Variants in NUMB observed in about 807,000 individuals in gnomAD.
NUMB encodes NUMB endocytic adaptor protein, also known as protein numb homolog.
Under a neutral mutation model 59.7 loss-of-function variants are expected in NUMB, and 29 were observed. The ratio of observed to expected loss-of-function variants is 0.49; its 90% confidence interval spans 0.36 to 0.66. The LOEUF is 0.66. NUMB is among the 30% of genes least tolerant of loss of function. NUMB has a pLI of 0.00. For synonymous variants in NUMB, 288 were observed against 288.2 expected (o/e 1.00, Z 0.01); for missense variants, 723 against 822.0 (o/e 0.88, Z 1.47).
At chr14:73,307,257 C>T (rs940678468) in intron 6 of NUMB, among the ~76,000 whole-genome samples, 5 of 151,166 alleles carry the variant, frequency 3.3e-5, no homozygotes, top group East Asian at 1.9e-4. Flanking sequence ...TGCAGTGAGC[C>T]GAGATTGCGC....
In NUMB at chr14:73,436,751, C is replaced by T. The variant is rs190085343; in HGVS notation, c.-233+21742G>A. Among the ~76,000 whole-genome samples, 1,039 of 151,772 alleles carry T rather than the reference C, an allele frequency of 6.8e-3. 5 individuals are homozygous for T. Among genetic ancestry groups the T allele is most frequent in the South Asian group, 0.03 (144 of 4,810 alleles). ...ATCCCAGCACTTTCGGAGGCTGAGG[C>T]GGGCGGATCACGAGGTCAAGAGATC... On this transcript the variant is annotated intron_variant, in intron 1 of 12. Coordinates refer to ENST00000555238, the MANE Select transcript of NUMB (RefSeq NM_001005743.2).
Position 73,445,354 on chromosome 14 carries a change from C to CAA in NUMB, c.-233+13137_-233+13138dup, listed in dbSNP as rs752154048. On this transcript the variant is annotated intron_variant, in intron 1 of 12. Coordinates refer to ENST00000555238, the MANE Select transcript of NUMB (RefSeq NM_001005743.2). The stretch of plus-strand genomic sequence containing the variant: ...TGAGTGACAAAGTGAGACCCTGTCT[C>CAA]AAAAAAAAAAAAAAAAAAAAAAAAA... Among the ~76,000 whole-genome samples the CAA allele has an allele frequency of 2.6e-3, 149 of 57,564 alleles. 23 individuals are homozygous for CAA. Among genetic ancestry groups the CAA allele is most frequent in the East Asian group, 0.016 (13 of 828 alleles). The allele number at this position is 57,564 out of a possible 152,430, so 37.8% of individuals were successfully genotyped here.
At chr14:73,395,429 C>G (rs1421080333) in intron 2 of NUMB, among the ~76,000 whole-genome samples, 2 of 151,960 alleles carry the variant, frequency 1.3e-5, no homozygotes, top group Admixed American at 6.6e-5. Context: ...TTGAGACCAG[C>G]CTGGGCAACA....
chr14:73,454,020 C>A (rs1884175620), intron 1 of NUMB, among the ~76,000 whole-genome samples: 1 of 151,694 alleles, frequency 6.6e-6, no homozygotes, highest in South Asian at 2.1e-4. Flanking sequence ...TTATTTCTCC[C>A]CAGCCCTATC....
intron 3 of NUMB, among the ~76,000 whole-genome samples, chr14:73,359,706 T>C (rs1444575971): frequency 2.0e-5 from 3 of 152,028 alleles, no homozygotes; most frequent in African/African-American, 7.2e-5. Flanking sequence ...GTGGAGGCAA[T>C]GGGGTAGGAG....
At position 73,383,998 on chromosome 14, in the gene NUMB, C is replaced by A. The variant is rs1011897557; in HGVS notation, c.-100-17017G>T. On this transcript the variant is annotated intron_variant, in intron 2 of 12. Coordinates refer to ENST00000555238, the MANE Select transcript of NUMB (RefSeq NM_001005743.2). ...TGCCACTGCACTCCAGCCTGGGCGA[C>A]AGAGTGAGACTCTGTCTCAAAAAAA... is the stretch of plus-strand genomic sequence containing the variant. Among the ~76,000 whole-genome samples the A allele has an allele frequency of 3.3e-5, 5 of 152,012 alleles. No individual in the cohort carries two copies. In the South Asian group the frequency reaches 1.0e-3, roughly 32 times the overall value.
intron 6 of NUMB, among the ~76,000 whole-genome samples, chr14:73,309,466 C>T (rs1467558261): frequency 6.6e-6 from 1 of 152,026 alleles, no homozygotes; most frequent in Non-Finnish European, 1.5e-5. Context: ...CAAACTAACA[C>T]AGGAACAGAA....
intron 1 of NUMB, among the ~76,000 whole-genome samples, chr14:73,414,288 T>C (rs1897025488): frequency 6.6e-6 from 1 of 152,174 alleles, no homozygotes. Context: ...TATTACAGCC[T>C]TAAGTTTTCA....
rs1888231402 is a variant in NUMB at position 73,277,255 on chromosome 14, C to CT, written c.1278dup (p.Gly427ArgfsTer8). The CT allele has an allele frequency of 6.2e-7, 1 of 1,606,358 alleles. No individual in the cohort carries two copies. Among genetic ancestry groups the CT allele is most frequent in the African/African-American group, 1.3e-5 (1 of 74,762 alleles). ...CGTCTATGACCGGCCTGGAAGAGAC[C>CT]TGGAGAGGCAGCACCAGAAGATTGA... On this transcript the variant is annotated frameshift_variant, in exon 13 of 13. Transcript: ENST00000555238. LOFTEE classifies it high-confidence loss of function.
rs1170959840 is a variant in NUMB at position 73,352,477 on chromosome 14, CATATATATATATATATATATATAT to C, written c.126+3125_126+3148del. ...ACACACATACACACACACACACACA[CATATATATATATATATATATATAT>C]ATATATATATATATATATATATATA... On this transcript the variant is annotated intron_variant, in intron 4 of 12. Transcript: ENST00000555238. Among the ~76,000 whole-genome samples, 20 of 12,692 alleles carry C rather than the reference CATATATATATATATATATATATAT, an allele frequency of 1.6e-3. 1 individual carries two copies. Among genetic ancestry groups the C allele is most frequent in the African/African-American group, 2.9e-3 (15 of 5,180 alleles). 8.3% of individuals were successfully genotyped at this position (12,692 alleles called of 152,430 possible). A position where few individuals can be genotyped will look rare whatever the true frequency, so the allele number is the denominator to read the frequency against.
At chr14:73,313,817 T>C (rs1890923689) in intron 6 of NUMB, among the ~76,000 whole-genome samples, 1 of 148,440 alleles carries the variant, frequency 6.7e-6, no homozygotes, top group Non-Finnish European at 1.5e-5. Context: ...TTTTTTTCTT[T>C]TTTTTTTTGA....
chr14:73,360,028 T>G (rs1223274213), intron 3 of NUMB, among the ~76,000 whole-genome samples: 1 of 152,260 alleles, frequency 6.6e-6, no homozygotes, highest in Non-Finnish European at 1.5e-5. Flanking sequence ...TTCTATGTCC[T>G]CTGTTGTCCC....
chr14:73,364,528 T>C (rs1326890812), intron 3 of NUMB, among the ~76,000 whole-genome samples: 1 of 151,872 alleles, frequency 6.6e-6, no homozygotes, highest in Non-Finnish European at 1.5e-5. Context: ...TTTAAAAAAA[T>C]AATAAAAATA....
chr14:73,290,249 G>A lies in NUMB; in HGVS notation c.450+2485C>T, dbSNP rs78264075. ...AAACAGAAGACAAAAGCACAGTTTT[G>A]TTACTTCAACTCATTTCAAAGCACC... On this transcript the variant is annotated intron_variant, in intron 8 of 12. Coordinates refer to ENST00000555238, the MANE Select transcript of NUMB (RefSeq NM_001005743.2). Among the ~76,000 whole-genome samples, 854 of 152,290 alleles carry A rather than the reference G, an allele frequency of 5.6e-3. 4 individuals are homozygous for A. The highest frequency in any genetic ancestry group is 0.019 in the African/African-American group (809 of 41,558).
chr14:73,280,818 C>T (rs549931399), intron 11 of NUMB, among the ~76,000 whole-genome samples: 2 of 151,448 alleles, frequency 1.3e-5, no homozygotes, highest in South Asian at 2.1e-4. Context: ...CTCAGCCTCC[C>T]GAGTAGCTGA....
At chr14:73,346,909 C>G (rs534501621) in intron 4 of NUMB, among the ~76,000 whole-genome samples, 1 of 152,302 alleles carries the variant, frequency 6.6e-6, no homozygotes, top group South Asian at 2.1e-4. Context: ...CCGTTCTCTA[C>G]ATGCTTCTTT....
At chr14:73,444,122 G>A (rs1315362560) in intron 1 of NUMB, among the ~76,000 whole-genome samples, 1 of 152,152 alleles carries the variant, frequency 6.6e-6, no homozygotes, top group African/African-American at 2.4e-5. Context: ...AATATTGGCT[G>A]GGCACAGTGG....
intron 3 of NUMB, among the ~76,000 whole-genome samples, chr14:73,358,480 G>C (rs1274409584): frequency 6.6e-6 from 1 of 152,024 alleles, no homozygotes; most frequent in African/African-American, 2.4e-5. Flanking sequence ...CCCTCTTTCA[G>C]AGCCTCTGTA....
intron 2 of NUMB, among the ~76,000 whole-genome samples, chr14:73,375,147 A>G (rs1269095004): frequency 6.6e-6 from 1 of 152,158 alleles, no homozygotes; most frequent in Non-Finnish European, 1.5e-5. Flanking sequence ...TTGACTTTAC[A>G]ATCAACAAAA....
Sources: allele counts gnomAD v4.1 joint callset (sites outside exome capture counted in the v4.1 genomes callset), GRCh38; gene constraint gnomAD v4.1.1; transcripts MANE v1.5; gene names NCBI Gene and HGNC (gene_info 2026-07-23, HGNC 2026-07-21).